SYT1: variants seen among roughly 807,000 people sequenced by gnomAD.
The protein encoded by SYT1 is synaptotagmin 1.
In SYT1, 8 loss-of-function variants were observed where a neutral mutation model predicts 44.8. The observed-to-expected ratio is 0.18, with a 90% confidence interval of 0.10 to 0.32. The LOEUF (loss-of-function observed/expected upper bound fraction) is 0.32, where lower values mean the gene tolerates loss of function less well. Among genes scored for constraint, SYT1 ranks in the 10% least tolerant of loss-of-function variants. The pLI is 1.00. For missense variants in SYT1, 286 were observed against 509.3 expected (o/e 0.56, Z 4.22); for synonymous variants, 154 against 188.8 (o/e 0.82, Z 1.51).
intron 9 of SYT1, among the ~76,000 whole-genome samples, chr12:79,380,588 A>G (rs1021595197): frequency 1.3e-5 from 2 of 152,044 alleles, no homozygotes; most frequent in African/African-American, 4.8e-5. Flanking sequence ...GGGTCTCACT[A>G]TATTGCCCAG....
chr12:79,181,268 T>C (rs1872525780), intron 3 of SYT1, among the ~76,000 whole-genome samples: 3 of 152,094 alleles, frequency 2.0e-5, no homozygotes, highest in Admixed American at 1.3e-4. Context: ...ATGATATCAG[T>C]ATTTATGATT....
At chr12:79,379,798 T>A (rs1884143751) in intron 9 of SYT1, among the ~76,000 whole-genome samples, 3 of 152,158 alleles carry the variant, frequency 2.0e-5, no homozygotes, top group Admixed American at 1.3e-4. Flanking sequence ...AATAAAAGAC[T>A]ATGAGCATAA....
intron 3 of SYT1, among the ~76,000 whole-genome samples, chr12:79,179,627 T>C (rs1187013276): frequency 2.0e-5 from 3 of 150,668 alleles, no homozygotes; most frequent in Non-Finnish European, 4.4e-5. Flanking sequence ...TCCATGTGGG[T>C]CAGGCTGGTC....
chr12:79,248,572 C>T (rs1876991191), intron 4 of SYT1, among the ~76,000 whole-genome samples: 2 of 152,058 alleles, frequency 1.3e-5, no homozygotes, highest in African/African-American at 4.8e-5. Context: ...TCAAAAATGC[C>T]ATGGGGAGGA....
intron 2 of SYT1, among the ~76,000 whole-genome samples, chr12:79,046,034 A>T (rs1400555933): frequency 6.6e-6 from 1 of 152,216 alleles, no homozygotes; most frequent in East Asian, 1.9e-4. Flanking sequence ...TATACAAAGC[A>T]TATCTAAAAT....
intron 9 of SYT1, among the ~76,000 whole-genome samples, chr12:79,398,920 C>A (rs1884970674): frequency 6.6e-6 from 1 of 152,092 alleles, no homozygotes; most frequent in African/African-American, 2.4e-5. Flanking sequence ...GTAGCTGATT[C>A]TTCTCCAACC....
chr12:79,387,507 A>G (rs1340927177), intron 9 of SYT1, among the ~76,000 whole-genome samples: 1 of 152,208 alleles, frequency 6.6e-6, no homozygotes, highest in Non-Finnish European at 1.5e-5. Flanking sequence ...GTTTAAATCA[A>G]TTTTATTGTT....
intron 2 of SYT1, among the ~76,000 whole-genome samples, chr12:79,014,730 T>C (rs1297350524): frequency 1.3e-5 from 2 of 152,132 alleles, no homozygotes; most frequent in Non-Finnish European, 2.9e-5. Context: ...CAAAGGACTA[T>C]AAATCATGCT....
At chr12:78,919,190 T>A (rs949192964) in intron 1 of SYT1, among the ~76,000 whole-genome samples, 4 of 152,004 alleles carry the variant, frequency 2.6e-5, no homozygotes, top group Admixed American at 6.6e-5. Flanking sequence ...GTAATTAAAT[T>A]TTTTTTAAAA....
Position 78,993,148 on chromosome 12 carries a change from A to G in SYT1, c.-84+15217A>G, listed in dbSNP as rs368971119. Among the ~76,000 whole-genome samples, 12 of 152,190 alleles carry G rather than the reference A, an allele frequency of 7.9e-5. No individual in the cohort carries two copies. The East Asian group carries it at 1.9e-3, about 24-fold the overall frequency. ...CCTGTATTATGTTTATCTGTTTTATAAAACAGAATATGAAACTGTCAGGCC... is the reference window on the plus strand; with the variant it reads ...CCTGTATTATGTTTATCTGTTTTATGAAACAGAATATGAAACTGTCAGGCC... On this transcript the variant is annotated intron_variant, in intron 2 of 10. Transcript: ENST00000261205.
intron 8 of SYT1, among the ~76,000 whole-genome samples, chr12:79,328,874 G>T (rs775091660): frequency 6.7e-6 from 1 of 150,086 alleles, no homozygotes; most frequent in African/African-American, 2.4e-5. Context: ...TACTCACAAA[G>T]AAATCATAAA....
intron 3 of SYT1, among the ~76,000 whole-genome samples, chr12:79,130,752 G>A (rs1868759397): frequency 6.6e-6 from 1 of 152,090 alleles, no homozygotes; most frequent in South Asian, 2.1e-4. Flanking sequence ...TGCTTGTTAT[G>A]TCATAAATAA....
chr12:78,968,166 T>C (rs1399124187), intron 1 of SYT1, among the ~76,000 whole-genome samples: 1 of 152,132 alleles, frequency 6.6e-6, no homozygotes, highest in African/African-American at 2.4e-5. Flanking sequence ...AATTAATATT[T>C]TGACTCAGTA....
intron 3 of SYT1, among the ~76,000 whole-genome samples, chr12:79,157,450 A>G (rs1334440088): frequency 6.6e-6 from 1 of 152,212 alleles, no homozygotes; most frequent in Non-Finnish European, 1.5e-5. Context: ...TGAAATAGAA[A>G]GTGACAAAAA....
chr12:79,144,748 T>C (rs1172989585), intron 3 of SYT1, among the ~76,000 whole-genome samples: 2 of 152,222 alleles, frequency 1.3e-5, no homozygotes, highest in African/African-American at 4.8e-5. Context: ...CTAATAAGCT[T>C]TCACTTTAAA....
chr12:78,873,766 T>C (rs1185002750), intron 1 of SYT1, among the ~76,000 whole-genome samples: 1 of 151,690 alleles, frequency 6.6e-6, no homozygotes, highest in Non-Finnish European at 1.5e-5. Flanking sequence ...TATCTTCTAT[T>C]CCAAGGTAGA....
chr12:79,341,851 G>T (rs1319528705), intron 8 of SYT1, among the ~76,000 whole-genome samples: 1 of 151,644 alleles, frequency 6.6e-6, no homozygotes, highest in African/African-American at 2.4e-5. Flanking sequence ...TGTATTTTTA[G>T]TAGAGACGGA....
chr12:79,307,564 C>A (rs960589188), intron 8 of SYT1, among the ~76,000 whole-genome samples: 9 of 133,988 alleles, frequency 6.7e-5, no homozygotes, highest in Non-Finnish European at 1.2e-4. Flanking sequence ...TGCAGACTTC[C>A]GGGGCGCCTG....
rs188632514 is a variant in SYT1 at position 79,213,226 on chromosome 12, C to G, written c.-17-4277C>G. Among the ~76,000 whole-genome samples the G allele has an allele frequency of 1.5e-3, 230 of 152,236 alleles. 4 individuals carry two copies. Among genetic ancestry groups the G allele is most frequent in the Admixed American group, 0.014 (220 of 15,296 alleles). On this transcript the variant is annotated intron_variant, in intron 3 of 10. Coordinates refer to ENST00000261205, the MANE Select transcript of SYT1 (RefSeq NM_005639.3). ...GAAACTTCTCTTCAGTATATAATATCTAGGCAGACAGAGTGTATATACTGG... is the reference window on the plus strand; with the variant it reads ...GAAACTTCTCTTCAGTATATAATATGTAGGCAGACAGAGTGTATATACTGG...
Sources: allele counts gnomAD v4.1 joint callset (sites outside exome capture counted in the v4.1 genomes callset), GRCh38; gene constraint gnomAD v4.1.1; transcripts MANE v1.5; gene names NCBI Gene and HGNC (gene_info 2026-07-23, HGNC 2026-07-21).